Variants in DPF3 observed in about 807,000 individuals in gnomAD.
DPF3 encodes the protein double PHD fingers 3, also known as zinc finger protein DPF3.
Under a neutral mutation model 56.8 loss-of-function variants are expected in DPF3, and 18 were observed. The ratio of observed to expected loss-of-function variants is 0.32; its 90% confidence interval spans 0.22 to 0.47. The LOEUF is 0.47. Ranked by LOEUF, DPF3 falls within the 20% of genes least tolerant of loss-of-function variation. DPF3 has a pLI of 1.00. For missense variants in DPF3, 403 were observed against 488.8 expected, an observed-to-expected ratio of 0.82 and a Z score of 1.65; for synonymous variants, 188 against 180.2, an observed-to-expected ratio of 1.04 and a Z score of -0.35.
At chr14:72,796,783 G>A (rs1407590198) in intron 1 of DPF3, among the ~76,000 whole-genome samples, 1 of 152,100 alleles carries the variant, frequency 6.6e-6, no homozygotes, top group Non-Finnish European at 1.5e-5. Flanking sequence ...CCTGTGAGTG[G>A]TAAATGCAAG....
intron 9 of DPF3, among the ~76,000 whole-genome samples, chr14:72,621,064 C>G (rs567450138): frequency 7.9e-5 from 12 of 152,052 alleles, no homozygotes; most frequent in African/African-American, 2.7e-4. Flanking sequence ...TCTCTTGAAC[C>G]CGGGAGGTGG....
chr14:72,786,431 C>T (rs1388949129), intron 1 of DPF3, among the ~76,000 whole-genome samples: 1 of 152,154 alleles, frequency 6.6e-6, no homozygotes. Context: ...CAAACATAGC[C>T]CAGGACTAAT....
intron 6 of DPF3, among the ~76,000 whole-genome samples, chr14:72,706,567 A>G (rs959391329): frequency 6.6e-5 from 10 of 152,164 alleles, no homozygotes; most frequent in Non-Finnish European, 1.0e-4. Flanking sequence ...GGAGACTCCT[A>G]CAGCAAAATG....
intron 6 of DPF3, among the ~76,000 whole-genome samples, chr14:72,713,259 G>A (rs113190219): frequency 1.7e-3 from 266 of 152,370 alleles, no homozygotes; most frequent in Non-Finnish European, 3.4e-3. Flanking sequence ...GTATTAAGCA[G>A]CCAAATGGGA....
At chr14:72,735,743 A>G (rs905741862) in intron 3 of DPF3, among the ~76,000 whole-genome samples, 2 of 152,202 alleles carry the variant, frequency 1.3e-5, no homozygotes, top group Non-Finnish European at 2.9e-5. Flanking sequence ...TAGTAAAGGG[A>G]CCATGGGCTA....
chr14:72,868,054 G>T (rs1400097227), intron 1 of DPF3, among the ~76,000 whole-genome samples: 2 of 152,064 alleles, frequency 1.3e-5, no homozygotes, highest in Admixed American at 6.6e-5. Flanking sequence ...GAGAATAACA[G>T]CAATAAACTC....
intron 1 of DPF3, chr14:72,853,211 GT>G (rs762654845): frequency 7.4e-6 from 1 of 135,880 alleles, no homozygotes; most frequent in African/African-American, 2.9e-5. Context: ...TCAGCATGTT[GT>G]TGTTTTTTTT....
rs547991772 is a variant in DPF3, at chr14:72,657,386, T to C, written c.871+16854A>G. ...AGAGTCGCTGTTATGCATTGCTGGA[T>C]TATTCATAGACACTTCTGGTAAACA... On this transcript the variant is annotated intron_variant, in intron 8 of 10. Transcript: ENST00000556509. Among the ~76,000 whole-genome samples, 9 of 152,318 alleles carry C rather than the reference T, an allele frequency of 5.9e-5. No individual in the cohort carries two copies. In the East Asian group the frequency reaches 1.5e-3, roughly 26 times the overall value.
chr14:72,876,968 G>C (rs940643350), intron 1 of DPF3, among the ~76,000 whole-genome samples: 1 of 152,160 alleles, frequency 6.6e-6, no homozygotes, highest in Non-Finnish European at 1.5e-5. Flanking sequence ...AGATTGAGTG[G>C]GCCCTCCTTG....
At chr14:72,777,203 C>T (rs574352750) in intron 1 of DPF3, among the ~76,000 whole-genome samples, 3 of 152,130 alleles carry the variant, frequency 2.0e-5, no homozygotes, top group Non-Finnish European at 2.9e-5. Context: ...CTGTTCACAC[C>T]GCCAGAGCCG....
At chr14:72,707,677 C>CGTGT (rs34662853) in intron 6 of DPF3, among the ~76,000 whole-genome samples, 2,509 of 150,130 alleles carry the variant, frequency 0.017, 54 homozygotes, top group African/African-American at 0.053. Context: ...CTTCTGTGTG[C>CGTGT]GTGTGTGTGT....
intron 1 of DPF3, among the ~76,000 whole-genome samples, chr14:72,858,371 A>G (rs983179869): frequency 6.9e-6 from 1 of 145,666 alleles, no homozygotes; most frequent in Non-Finnish European, 1.5e-5. Context: ...CCACTCTGCT[A>G]TATGGCTAAA....
At chr14:72,861,876 G>T (rs1158646970) in intron 1 of DPF3, among the ~76,000 whole-genome samples, 2 of 152,010 alleles carry the variant, frequency 1.3e-5, no homozygotes, top group East Asian at 3.9e-4. Context: ...GGTGTCATAA[G>T]GTTTTAATGC....
intron 2 of DPF3, among the ~76,000 whole-genome samples, chr14:72,760,210 C>T (rs1403603777): frequency 6.6e-6 from 1 of 152,156 alleles, no homozygotes; most frequent in Non-Finnish European, 1.5e-5. Flanking sequence ...GTGGCTCATA[C>T]CTGTAATCCC....
At chr14:72,668,742 A>G (rs552555897) in intron 8 of DPF3, among the ~76,000 whole-genome samples, 1 of 152,218 alleles carries the variant, frequency 6.6e-6, no homozygotes, top group Non-Finnish European at 1.5e-5. Context: ...GACTATGAGC[A>G]ACTAGACAGA....
intron 7 of DPF3, among the ~76,000 whole-genome samples, chr14:72,686,763 A>C (rs1887431001): frequency 6.6e-6 from 1 of 152,246 alleles, no homozygotes; most frequent in African/African-American, 2.4e-5. Context: ...CTCTGTATCT[A>C]AACTTTCCTC....
intron 8 of DPF3, among the ~76,000 whole-genome samples, chr14:72,664,652 C>G (rs1331204141): frequency 6.6e-6 from 1 of 152,020 alleles, no homozygotes. Flanking sequence ...CTGACTTAAC[C>G]ACTGGATGCT....
chr14:72,859,354 G>T (rs2140094618), intron 1 of DPF3, among the ~76,000 whole-genome samples: 1 of 152,048 alleles, frequency 6.6e-6, no homozygotes, highest in East Asian at 1.9e-4. Flanking sequence ...TTTCCCCAAA[G>T]CTAAGCTAAG....
At chr14:72,720,126 T>A (rs1889104989) in intron 5 of DPF3, among the ~76,000 whole-genome samples, 1 of 151,996 alleles carries the variant, frequency 6.6e-6, no homozygotes, top group African/African-American at 2.4e-5. Flanking sequence ...TTAGACTGCC[T>A]CTAGGTTCTG....
Sources: allele counts gnomAD v4.1 joint callset (sites outside exome capture counted in the v4.1 genomes callset), GRCh38; gene constraint gnomAD v4.1.1; transcripts MANE v1.5; gene names NCBI Gene and HGNC (gene_info 2026-07-23, HGNC 2026-07-21).